The following FAM217B variants were observed in gnomAD, a reference collection of about 807,000 sequenced individuals.
The protein encoded by FAM217B is protein FAM217B.
For synonymous variants in FAM217B, 163 were observed against 173.0 expected, an observed-to-expected ratio of 0.94 and a Z score of 0.45; for missense variants, 463 against 456.9, an observed-to-expected ratio of 1.01 and a Z score of -0.12.
chr20:59,937,276 C>T (rs1375010475), upstream of FAM217B: 1 of 152,632 alleles, frequency 6.6e-6, no homozygotes, highest in East Asian at 1.9e-4. Context: ...CCCTAACAGG[C>T]TTGCTGACCT....
Position 59,945,084 on chromosome 20 carries a change from A to T in FAM217B, c.1141A>T (p.Lys381Ter). 1 of 1,580,862 alleles carries T rather than the reference A, an allele frequency of 6.3e-7. No homozygotes were observed. The highest frequency in any genetic ancestry group is 8.6e-7 in the Non-Finnish European group (1 of 1,167,526). ...KTNGVKQNTY[K>*]LK ...AAACGGAGTAAAGCAAAACACATAT[A>T]AACTAAAATAAATATCTAAAATGCT... The change falls in exon 4 of 4, where the codon AAA (lysine) becomes TAA (stop). Residue 381 changes from lysine (K) to a stop codon, truncating the protein, a stop_gained. Transcript: ENST00000360816. LOFTEE classifies it high-confidence loss of function.
intron 1 of FAM217B, among the ~76,000 whole-genome samples, chr20:59,934,192 G>A (rs1235235324): frequency 6.6e-6 from 1 of 152,164 alleles, no homozygotes; most frequent in Non-Finnish European, 1.5e-5. Flanking sequence ...AGGGCCGCCT[G>A]GGCTCCTGGG....
chr20:59,947,033 T>C lies in FAM217B; in HGVS notation c.*1938T>C, dbSNP rs1343390766. The C allele has an allele frequency of 2.4e-5, 4 of 167,098 alleles. No homozygotes were observed. The highest frequency in any genetic ancestry group is 1.9e-4 in the East Asian group (1 of 5,202). 10.4% of individuals were successfully genotyped at this position (167,098 alleles called of 1,614,324 possible). ...TCAAAAGCAAGATATTCTATACATA[T>C]GTGTATATGTATATATACTCCTTAT... On this transcript the variant is annotated 3_prime_UTR_variant, in exon 4 of 4. Coordinates refer to ENST00000360816, the MANE Select transcript of FAM217B (RefSeq NM_022106.3).
upstream of FAM217B, chr20:59,939,517 A>C: frequency 6.2e-7 from 1 of 1,612,076 alleles, no homozygotes; most frequent in Non-Finnish European, 8.5e-7. Flanking sequence ...CACAGGTCCG[A>C]GTTGATTGCG....
rs145987827 is a variant in FAM217B at position 59,944,322 on chromosome 20, T to C, written c.379T>C (p.Phe127Leu). The change falls in exon 4 of 4, where the codon TTT (phenylalanine) becomes CTT (leucine). Residue 127 changes from phenylalanine to leucine, a missense_variant. By Grantham distance (22) the Phe-to-Leu change is conservative. Coordinates refer to ENST00000360816, the MANE Select transcript of FAM217B (RefSeq NM_022106.3). ...AGCTGAAGAAATTGATCCAGTTTAC[T>C]TTGATCTTCACCCTGGTCAGGGCCA... ...LRAEEIDPVY[F>L]DLHPGQGHTK... 6.2e-7 allele frequency: 1 copy of C among 1,614,212 alleles called. No individual in the cohort carries two copies. The highest frequency in any genetic ancestry group is 8.5e-7 in the Non-Finnish European group (1 of 1,180,042).
chr20:59,939,055 C>T (rs2060879262), upstream of FAM217B: 3 of 1,550,226 alleles, frequency 1.9e-6, no homozygotes, highest in South Asian at 3.5e-5. Flanking sequence ...ATCCAGCTCT[C>T]TTCGCACTCC....
chr20:59,939,932 G>A (rs1324040477), upstream of FAM217B: 2 of 1,262,836 alleles, frequency 1.6e-6, no homozygotes, highest in Admixed American at 3.8e-5. Context: ...CTCTGGACAT[G>A]GCCCCGCCGG....
upstream of FAM217B, chr20:59,939,121 C>A: frequency 6.2e-7 from 1 of 1,605,532 alleles, no homozygotes; most frequent in Non-Finnish European, 8.5e-7. Context: ...TCTCGGTGGT[C>A]GTTGTTGTCC....
In FAM217B at chr20:59,943,862, A is replaced by G. The variant is rs2060919102; in HGVS notation, c.-4-78A>G. On this transcript the variant is annotated intron_variant, in intron 3 of 3. Transcript: ENST00000360816. The stretch of plus-strand genomic sequence containing the variant: ...AGACAAAAAAAAGTACAACTAGAAG[A>G]TTCTTTTTGTTTGTTTAATTATAGC... 1.2e-5 allele frequency: 15 copies of G among 1,237,256 alleles called. No individual in the cohort carries two copies. In the East Asian group the frequency reaches 3.5e-4, roughly 29 times the overall value. The allele number at this position is 1,237,256 out of a possible 1,614,324, so 76.6% of individuals were successfully genotyped here.
In FAM217B at chr20:59,945,647, A is replaced by T. The variant is rs1385862928; in HGVS notation, c.*552A>T. ...TCAAGTCAGGGAGTAGTGAGTTTGT[A>T]TTTTGAGTAGTCATTTCTCACTAAG... On this transcript the variant is annotated 3_prime_UTR_variant, in exon 4 of 4. Transcript: ENST00000360816. The T allele has an allele frequency of 6.0e-6, 1 of 167,136 alleles. No individual in the cohort carries two copies. The highest frequency in any genetic ancestry group is 1.5e-5 in the Non-Finnish European group (1 of 68,278). 10.4% of individuals were successfully genotyped at this position (167,136 alleles called of 1,614,324 possible). A position where few individuals can be genotyped will look rare whatever the true frequency, so the allele number is the denominator to read the frequency against.
chr20:59,934,380 C>T (rs901782462), intron 1 of FAM217B, among the ~76,000 whole-genome samples: 1 of 152,346 alleles, frequency 6.6e-6, no homozygotes, highest in East Asian at 1.9e-4. Context: ...GGCACAGCCG[C>T]GAAAGGGTCT....
rs2060946123 is a variant in FAM217B, at chr20:59,947,851, A to G, written c.*2756A>G. 2 of 167,008 alleles carry G rather than the reference A, an allele frequency of 1.2e-5. No homozygotes were observed. Among genetic ancestry groups the G allele is most frequent in the Admixed American group, 6.5e-5 (1 of 15,288 alleles). The allele number at this position is 167,008 out of a possible 1,614,324, so 10.3% of individuals were successfully genotyped here. On this transcript the variant is annotated 3_prime_UTR_variant, in exon 4 of 4. Transcript: ENST00000360816. ...AAATGCTGCAGATAAGAATCTTGCT[A>G]TTTTTCAAGTAGACAACATTAGAAA...
At chr20:59,933,791 C>A (rs1006390846) in exon 1 of FAM217B, 1 of 151,362 alleles carries the variant, frequency 6.6e-6, no homozygotes, top group Non-Finnish European at 1.5e-5. Flanking sequence ...CAACGCTCGC[C>A]GGGGTCGCCC....
chr20:59,937,118 C>T (rs1164183764), upstream of FAM217B: 4 of 152,614 alleles, frequency 2.6e-5, no homozygotes, highest in Non-Finnish European at 5.9e-5. Flanking sequence ...ACTTTCATAA[C>T]CAAAACCTTT....
Position 59,943,972 on chromosome 20 carries a change from T to A in FAM217B, c.29T>A (p.Val10Glu), listed in dbSNP as rs1163308762. 6.2e-7 allele frequency: 1 copy of A among 1,608,302 alleles called. No individual in the cohort carries two copies. The highest frequency in any genetic ancestry group is 8.5e-7 in the Non-Finnish European group (1 of 1,178,222). The change falls in exon 4 of 4, where the codon GTG becomes GAG. Residue 10 changes from valine to glutamate, a missense_variant. Transcript: ENST00000360816. ...AATGCTGGCCCATCTTGGAATAAAG[T>A]GCAACATTCAAAGAATTCTTCAGGA... Reference protein sequence around the residue: MNAGPSWNKVQHSKNSSGKR... With the variant: MNAGPSWNKEQHSKNSSGKR...
rs75540721 is a variant in FAM217B at position 59,946,815 on chromosome 20, A to T, written c.*1720A>T. The T allele has an allele frequency of 1.2e-5, 2 of 167,012 alleles. No homozygotes were observed. Among genetic ancestry groups the T allele is most frequent in the Admixed American group, 1.3e-4 (2 of 15,278 alleles). 10.3% of individuals were successfully genotyped at this position (167,012 alleles called of 1,614,324 possible). A position where few individuals can be genotyped will look rare whatever the true frequency, so the allele number is the denominator to read the frequency against. On this transcript the variant is annotated 3_prime_UTR_variant, in exon 4 of 4. Coordinates refer to ENST00000360816, the MANE Select transcript of FAM217B (RefSeq NM_022106.3). Reference sequence around the variant, plus strand: ...ATTTACTATAACTTTTGTACTTAGTATATGTTTTATATTTGGAAAACAGCA... The same window carrying T: ...ATTTACTATAACTTTTGTACTTAGTTTATGTTTTATATTTGGAAAACAGCA...
At position 59,945,320 on chromosome 20, in the gene FAM217B, C is replaced by G; in HGVS notation, c.*225C>G. On this transcript the variant is annotated 3_prime_UTR_variant, in exon 4 of 4. Coordinates refer to ENST00000360816, the MANE Select transcript of FAM217B (RefSeq NM_022106.3). ...ATTGTCAGTCTTAGGCAAATGAGAG[C>G]CCTTTAGATAAAAATTATGTAAAAT... 1 of 430,834 alleles carries G rather than the reference C, an allele frequency of 2.3e-6. No individual in the cohort carries two copies. Among genetic ancestry groups the G allele is most frequent in the Non-Finnish European group, 4.3e-6 (1 of 234,314 alleles). The allele number at this position is 430,834 out of a possible 1,614,324, so 26.7% of individuals were successfully genotyped here.
chr20:59,940,476 G>A lies in FAM217B; in HGVS notation c.-262G>A, dbSNP rs1569006632. The A allele has an allele frequency of 1.3e-5, 2 of 152,278 alleles. No individual in the cohort carries two copies. The highest frequency in any genetic ancestry group is 2.9e-5 in the Non-Finnish European group (2 of 68,100). 9.4% of individuals were successfully genotyped at this position (152,278 alleles called of 1,614,324 possible). A position where few individuals can be genotyped will look rare whatever the true frequency, so the allele number is the denominator to read the frequency against. On this transcript the variant is annotated 5_prime_UTR_variant, in exon 1 of 4. Coordinates refer to ENST00000360816, the MANE Select transcript of FAM217B (RefSeq NM_022106.3). Reference sequence around the variant, plus strand: ...GCCGCAGCCGGGCGTCCCCGCGCGGGCGCCGGAGAGGAAGGAAGGCTGGCA... The same window carrying A: ...GCCGCAGCCGGGCGTCCCCGCGCGGACGCCGGAGAGGAAGGAAGGCTGGCA...
At chr20:59,935,036 G>T (rs1461194405) in intron 1 of FAM217B, among the ~76,000 whole-genome samples, 1 of 152,216 alleles carries the variant, frequency 6.6e-6, no homozygotes, top group Non-Finnish European at 1.5e-5. Context: ...TGTACGCAGG[G>T]ATTTGAGGGG....
Sources: gnomAD v4.1 joint callset for allele counts (sites outside exome capture counted in the v4.1 genomes callset) on GRCh38, gnomAD v4.1.1 for gene constraint, MANE v1.5 for transcripts, NCBI Gene and HGNC (gene_info 2026-07-23, HGNC 2026-07-21) for gene names.